HERC3: variants seen among roughly 807,000 people sequenced by gnomAD.
HERC3 encodes the protein probable E3 ubiquitin-protein ligase HERC3.
Under a neutral mutation model 129.9 loss-of-function variants are expected in HERC3, and 58 were observed. That is an observed-to-expected ratio of 0.45 (90% CI 0.36 to 0.56). The LOEUF (loss-of-function observed/expected upper bound fraction) is 0.56. Ranked by LOEUF, HERC3 falls within the 20% of genes least tolerant of loss-of-function variation. The pLI is 0.00. For synonymous variants in HERC3, 430 were observed against 451.0 expected, an observed-to-expected ratio of 0.95 and a Z score of 0.59; for missense variants, 835 against 1,244.2, an observed-to-expected ratio of 0.67 and a Z score of 4.95.
At chr4:88,650,739 C>T (rs1363541095) in intron 4 of HERC3, among the ~76,000 whole-genome samples, 1 of 152,204 alleles carries the variant, frequency 6.6e-6, no homozygotes, top group Non-Finnish European at 1.5e-5. Context: ...TATTTAATAT[C>T]TGTTTTTACT....
In HERC3 at chr4:88,656,016, C is replaced by T. The variant is rs779712451; in HGVS notation, c.1050C>T (p.Gly350=). 2.4e-5 allele frequency: 39 copies of T among 1,614,034 alleles called. 1 individual carries two copies. The South Asian group carries it at 4.2e-4, about 17-fold the overall frequency. ...AGGGTTACTGGGCTGCCCACAGTGG[C>T]CAGCTTTCAGCCCGAGCTGGTAAGA... is the stretch of plus-strand genomic sequence containing the variant. ...PVKGYWAAHS[G]QLSARADRFK... Residue 350 remains glycine (G), a synonymous_variant, in exon 9 of 26, where the codon GGC becomes GGT. Coordinates refer to ENST00000402738, the MANE Select transcript of HERC3 (RefSeq NM_014606.3).
chr4:88,631,657 A>G (rs980504829), intron 3 of HERC3, among the ~76,000 whole-genome samples: 13 of 152,228 alleles, frequency 8.5e-5, no homozygotes, highest in Non-Finnish European at 1.3e-4. Context: ...CCAGGAATCT[A>G]GCCCTTTACT....
At chr4:88,529,814 A>T in the HERC3 span, among the ~76,000 whole-genome samples, 1 of 152,196 alleles carries the variant, frequency 6.6e-6, no homozygotes, top group Admixed American at 6.5e-5. Context: ...TTGTTCTTTA[A>T]ATGTTTCTCT....
rs1420879521 is a variant in HERC3, at chr4:88,676,236, A to G, written c.1930A>G (p.Ile644Val). The G allele has an allele frequency of 2.5e-6, 4 of 1,571,172 alleles. No homozygotes were observed. The African/African-American group carries it at 5.4e-5, about 21-fold the overall frequency. ...QAGMKARPSI[I>V]QDTVTLCSYP... ...TACACAGAAGGCTAGACCATCAATA[A>G]TACAGGTAAATGATCCTTTTTAAAT... The change falls in exon 17 of 26, where the codon ATA becomes GTA. Residue 644 changes from isoleucine to valine, a missense_variant. Coordinates refer to ENST00000402738, the MANE Select transcript of HERC3 (RefSeq NM_014606.3).
the HERC3 span, among the ~76,000 whole-genome samples, chr4:88,540,907 C>A: frequency 2.0e-5 from 3 of 152,102 alleles, no homozygotes; most frequent in East Asian, 5.8e-4. Flanking sequence ...GATTTTGTCC[C>A]CACCAGGCCT....
chr4:88,677,134 C>G, intron 18 of HERC3, among the ~76,000 whole-genome samples: 1 of 137,928 alleles, frequency 7.3e-6, no homozygotes, highest in East Asian at 2.1e-4. Flanking sequence ...GATTCTGTCT[C>G]AAAAAAAAAA....
At chr4:88,649,235 G>A (rs1385205479) in intron 3 of HERC3, among the ~76,000 whole-genome samples, 1 of 152,106 alleles carries the variant, frequency 6.6e-6, no homozygotes, top group Non-Finnish European at 1.5e-5. Flanking sequence ...TGTGATTCTT[G>A]TTGACTGATG....
the HERC3 span, among the ~76,000 whole-genome samples, chr4:88,543,845 G>A: frequency 3.9e-5 from 6 of 152,216 alleles, no homozygotes; most frequent in South Asian, 2.1e-4. Flanking sequence ...AATAAATGGC[G>A]TTGGGAAAAC....
At chr4:88,647,367 A>G (rs35362669) in intron 3 of HERC3, among the ~76,000 whole-genome samples, 1 of 152,214 alleles carries the variant, frequency 6.6e-6, no homozygotes, top group Non-Finnish European at 1.5e-5. Context: ...AAGGTTAGGT[A>G]CCAAGAGACA....
chr4:88,653,083 T>C lies in HERC3; in HGVS notation c.678T>C (p.Asp226=). 2 of 1,614,038 alleles carry C rather than the reference T, an allele frequency of 1.2e-6. No individual in the cohort carries two copies. The highest frequency in any genetic ancestry group is 4.5e-5 in the East Asian group (2 of 44,882). The change falls in exon 6 of 26, where the codon GAT becomes GAC. Residue 226 remains aspartate (D), a synonymous_variant. Coordinates refer to ENST00000402738, the MANE Select transcript of HERC3 (RefSeq NM_014606.3). ...ATGCCGGGCAGCTAGGGCTCAGTGATGAAAAAGGTAGGTAAACCCTTCATA... is the reference window on the plus strand; with the variant it reads ...ATGCCGGGCAGCTAGGGCTCAGTGACGAAAAAGGTAGGTAAACCCTTCATA... The part of the protein sequence containing the change: ...MNNAGQLGLS[D]EKDRESPCHV...
chr4:88,660,001 A>G (rs1226398029), intron 10 of HERC3, among the ~76,000 whole-genome samples: 1 of 152,208 alleles, frequency 6.6e-6, no homozygotes, highest in Non-Finnish European at 1.5e-5. Context: ...ATGCATGAAA[A>G]GTGTAAGATC....
chr4:88,631,718 C>T (rs1479006215), intron 3 of HERC3, among the ~76,000 whole-genome samples: 1 of 152,150 alleles, frequency 6.6e-6, no homozygotes, highest in Non-Finnish European at 1.5e-5. Context: ...CATGGGAGAG[C>T]TGTGCCTTTA....
chr4:88,538,867 C>G, the HERC3 span, among the ~76,000 whole-genome samples: 8 of 152,056 alleles, frequency 5.3e-5, no homozygotes, highest in African/African-American at 1.9e-4. Flanking sequence ...TATAAGACAT[C>G]TGTCATATTG....
At chr4:88,574,345 T>C in the HERC3 span, among the ~76,000 whole-genome samples, 4 of 152,222 alleles carry the variant, frequency 2.6e-5, no homozygotes, top group South Asian at 6.2e-4. Context: ...CTATCTAATG[T>C]CTTGTAATGC....
In HERC3 at chr4:88,652,316, G is replaced by C. The variant is rs557348723; in HGVS notation, c.463+228G>C. 3.1e-3 allele frequency among the ~76,000 whole-genome samples: 474 copies of C among 152,298 alleles called. 3 individuals carry two copies. The highest frequency in any genetic ancestry group is 0.011 in the African/African-American group (451 of 41,554). On this transcript the variant is annotated intron_variant, in intron 5 of 25. Transcript: ENST00000402738. ...CATTGCTGCTCCAACTTTCACAGGG[G>C]AAGATAAGCAGGGGGCAGGACCATA...
chr4:88,612,381 A>G (rs1315642035), intron 3 of HERC3, among the ~76,000 whole-genome samples: 1 of 151,516 alleles, frequency 6.6e-6, no homozygotes, highest in African/African-American at 2.4e-5. Flanking sequence ...CTGGTTATTC[A>G]GGCCCCAGAT....
At chr4:88,616,073 T>C (rs1560678705) in intron 3 of HERC3, among the ~76,000 whole-genome samples, 1 of 152,260 alleles carries the variant, frequency 6.6e-6, no homozygotes, top group African/African-American at 2.4e-5. Flanking sequence ...ATGAATGATA[T>C]GGACATTCAG....
chr4:88,673,651 A>G (rs1248854059), intron 16 of HERC3, among the ~76,000 whole-genome samples: 2 of 152,234 alleles, frequency 1.3e-5, no homozygotes, highest in East Asian at 3.8e-4. Context: ...ATGAATAGCA[A>G]TAGTGGCACA....
chr4:88,639,786 G>A (rs1343116067), intron 3 of HERC3, among the ~76,000 whole-genome samples: 5 of 151,986 alleles, frequency 3.3e-5, no homozygotes, highest in Admixed American at 3.3e-4. Context: ...AAACTCATGA[G>A]TGAACAGGCA....
Sources: allele counts gnomAD v4.1 joint callset (sites outside exome capture counted in the v4.1 genomes callset), GRCh38; gene constraint gnomAD v4.1.1; transcripts MANE v1.5; gene names NCBI Gene and HGNC (gene_info 2026-07-23, HGNC 2026-07-21).